GPT2: variants seen among roughly 807,000 people sequenced by gnomAD.
GPT2 encodes alanine aminotransferase 2.
A neutral mutation model predicts 56.9 loss-of-function variants in GPT2; 30 were observed. That is an observed-to-expected ratio of 0.53 (90% CI 0.39 to 0.72). The LOEUF (loss-of-function observed/expected upper bound fraction) is 0.72. GPT2 is among the 30% of genes least tolerant of loss of function. The pLI, the probability that GPT2 is intolerant of heterozygous loss-of-function variation, is 0.00. For synonymous variants in GPT2, 271 were observed against 283.1 expected, an observed-to-expected ratio of 0.96 and a Z score of 0.43; for missense variants, 542 against 703.4, an observed-to-expected ratio of 0.77 and a Z score of 2.60.
chr16:46,927,456 T>G (rs1961441089), intron 11 of GPT2, among the ~76,000 whole-genome samples: 1 of 152,206 alleles, frequency 6.6e-6, no homozygotes, highest in South Asian at 2.1e-4. Flanking sequence ...CTGCCTGTGA[T>G]CCCAGAGCCT....
chr16:46,909,406 C>T (rs1382177883), intron 5 of GPT2, among the ~76,000 whole-genome samples: 1 of 152,100 alleles, frequency 6.6e-6, no homozygotes, highest in African/African-American at 2.4e-5. Context: ...CTGCCTCAGT[C>T]TCCCAAAGTG....
intron 6 of GPT2, among the ~76,000 whole-genome samples, chr16:46,914,431 G>A (rs1421737822): frequency 1.3e-5 from 2 of 152,204 alleles, no homozygotes; most frequent in African/African-American, 2.4e-5. Context: ...AGCTATTCGG[G>A]AAGGCTGAGG....
intron 4 of GPT2, among the ~76,000 whole-genome samples, chr16:46,905,026 G>C (rs934792351): frequency 1.3e-5 from 2 of 151,624 alleles, no homozygotes; most frequent in African/African-American, 4.8e-5. Context: ...GCGCAGAGAG[G>C]CTGAGGCAGA....
chr16:46,885,044 C>T (rs2143304872), intron 2 of GPT2, 86 bp downstream of exon 2: 1 of 1,379,030 alleles, frequency 7.3e-7, no homozygotes, highest in Admixed American at 3.2e-5. Flanking sequence ...CTTCCCACGA[C>T]GTCCACCCCC....
At chr16:46,900,448 C>T (rs1960793658) in intron 3 of GPT2, among the ~76,000 whole-genome samples, 2 of 152,156 alleles carry the variant, frequency 1.3e-5, no homozygotes, top group Non-Finnish European at 2.9e-5. Flanking sequence ...TCATTGGCTT[C>T]TCTTCCAGCA....
At chr16:46,916,458 C>A in intron 6 of GPT2, 170 bp from the exon 7 acceptor site, 1 of 631,516 alleles carries the variant, frequency 1.6e-6, no homozygotes. Flanking sequence ...TCCCTGGAGG[C>A]CGACTACACC....
chr16:46,929,577 G>A lies in GPT2; in HGVS notation c.*580G>A, dbSNP rs1342677650. 1 of 153,104 alleles carries A rather than the reference G, an allele frequency of 6.5e-6. No homozygotes were observed. The highest frequency in any genetic ancestry group is 6.5e-5 in the Admixed American group (1 of 15,380). 9.5% of individuals were successfully genotyped at this position (153,104 alleles called of 1,614,324 possible). ...TGCACTAGCTTGGGGTAGATGCTGGGGGCTGCGGCCACGGTCAGAGGGCCC... is the reference window on the plus strand; with the variant it reads ...TGCACTAGCTTGGGGTAGATGCTGGAGGCTGCGGCCACGGTCAGAGGGCCC... On this transcript the variant is annotated 3_prime_UTR_variant, in exon 12 of 12. Transcript: ENST00000340124.
chr16:46,909,864 C>G lies in GPT2; in HGVS notation c.757C>G (p.Gln253Glu), dbSNP rs1379834820. Residue 253 changes from glutamine (Q) to glutamate (E), a missense_variant, in exon 6 of 12, where the codon CAG becomes GAG. By Grantham distance (29) the Gln-to-Glu change is conservative. Coordinates refer to ENST00000340124, the MANE Select transcript of GPT2 (RefSeq NM_133443.4). ...TGTGAATGAGCTCCGGCGGGCGGTG[C>G]AGGAGGCCAAAGACCACTGTGATCC... ...LNVNELRRAVQEAKDHCDPKV... is the reference protein window; with the variant it reads ...LNVNELRRAVEEAKDHCDPKV... The G allele has an allele frequency of 1.2e-6, 2 of 1,614,142 alleles. No homozygotes were observed. Among genetic ancestry groups the G allele is most frequent in the Non-Finnish European group, 1.7e-6 (2 of 1,180,020 alleles).
chr16:46,904,438 A>G (rs757568865), intron 4 of GPT2, among the ~76,000 whole-genome samples: 7 of 152,218 alleles, frequency 4.6e-5, no homozygotes, highest in Non-Finnish European at 8.8e-5. Context: ...TAATAAAGTA[A>G]CTGGAGAAAT....
In GPT2 at chr16:46,924,439, A is replaced by G; in HGVS notation, c.1263A>G (p.Glu421=). 6.2e-7 allele frequency: 1 copy of G among 1,614,206 alleles called. No homozygotes were observed. Among genetic ancestry groups the G allele is most frequent in the Non-Finnish European group, 8.5e-7 (1 of 1,180,012 alleles). ...TGGCCAAAAAAGCAAAGCTGACGGA[A>G]GACCTGTTTAACCAAGTCCCAGGAA... The part of the protein sequence containing the change: ...GNLAKKAKLT[E]DLFNQVPGIH... The change falls in exon 10 of 12, where the codon GAA becomes GAG. Residue 421 remains glutamate (E), a synonymous_variant. Coordinates refer to ENST00000340124, the MANE Select transcript of GPT2 (RefSeq NM_133443.4).
At chr16:46,923,606 G>A (rs1320608834) in intron 9 of GPT2, among the ~76,000 whole-genome samples, 1 of 152,252 alleles carries the variant, frequency 6.6e-6, no homozygotes, top group Admixed American at 6.5e-5. Context: ...GCCACATAGT[G>A]CTTATGCCTC....
At chr16:46,923,966 C>T (rs1044028334) in intron 9 of GPT2, 1 of 321,766 alleles carries the variant, frequency 3.1e-6, no homozygotes, top group Non-Finnish European at 6.1e-6. Context: ...ACCCATGACA[C>T]AGGCTGCTGG....
chr16:46,929,747 T>C lies in GPT2; in HGVS notation c.*750T>C, dbSNP rs1442304542. 6.6e-6 allele frequency: 1 copy of C among 152,430 alleles called. No individual in the cohort carries two copies. Among genetic ancestry groups the C allele is most frequent in the African/African-American group, 2.4e-5 (1 of 41,466 alleles). The allele number at this position is 152,430 out of a possible 1,614,324, so 9.4% of individuals were successfully genotyped here. On this transcript the variant is annotated 3_prime_UTR_variant, in exon 12 of 12. Coordinates refer to ENST00000340124, the MANE Select transcript of GPT2 (RefSeq NM_133443.4). ...TGAACATGCGTAGGCTGGAACCCCG[T>C]CTGAGAGGTCTCCCTGAATTTCAGT...
At chr16:46,900,898 G>A in intron 4 of GPT2, 108 bp downstream of exon 4, 1 of 806,364 alleles carries the variant, frequency 1.2e-6, no homozygotes, top group East Asian at 2.7e-5. Flanking sequence ...GTGAACGTGT[G>A]TGGGTGGCTG....
At chr16:46,920,525 G>A (rs1961265717) in intron 8 of GPT2, among the ~76,000 whole-genome samples, 1 of 152,238 alleles carries the variant, frequency 6.6e-6, no homozygotes, top group Admixed American at 6.5e-5. Context: ...AGAGACCAGT[G>A]GGTTTGCAGC....
chr16:46,885,095 A>G (rs974882037), intron 2 of GPT2, 137 bp downstream of exon 2: 3 of 1,354,834 alleles, frequency 2.2e-6, no homozygotes, highest in African/African-American at 1.5e-5. Context: ...CTAAAACGAG[A>G]GAATGCCCCC....
At chr16:46,908,520 T>C (rs1960982235) in intron 5 of GPT2, among the ~76,000 whole-genome samples, 1 of 152,218 alleles carries the variant, frequency 6.6e-6, no homozygotes, top group African/African-American at 2.4e-5. Context: ...TGGGGCTTTG[T>C]TTCCTGACCT....
intron 2 of GPT2, among the ~76,000 whole-genome samples, chr16:46,891,384 A>C (rs1392910173): frequency 6.6e-6 from 1 of 151,364 alleles, no homozygotes; most frequent in Non-Finnish European, 1.5e-5. Context: ...CTGGGATTAC[A>C]GGCACCTGCC....
At position 46,884,919 on chromosome 16, in the gene GPT2, C is replaced by A. The variant is rs1166074123; in HGVS notation, c.204C>A (p.Ile68=). Residue 68 remains isoleucine, a synonymous_variant, in exon 2 of 12, where the codon ATC becomes ATA. Coordinates refer to ENST00000340124, the MANE Select transcript of GPT2 (RefSeq NM_133443.4). ...KAVEYAVRGP[I]VLKAGEIELE... is the part of the protein sequence containing the mutation. ...TGGAGTACGCCGTGCGGGGACCCAT[C>A]GTGCTCAAGGCCGGCGAGATCGAGC... 1.3e-6 allele frequency: 2 copies of A among 1,538,086 alleles called. No homozygotes were observed. Among genetic ancestry groups the A allele is most frequent in the East Asian group, 2.5e-5 (1 of 40,024 alleles).
Sources: allele counts gnomAD v4.1 joint callset (sites outside exome capture counted in the v4.1 genomes callset), GRCh38; gene constraint gnomAD v4.1.1; transcripts MANE v1.5; gene names NCBI Gene and HGNC (gene_info 2026-07-23, HGNC 2026-07-21).